MAPRE2: variants seen among roughly 807,000 people sequenced by gnomAD.
The protein encoded by MAPRE2 is microtubule associated protein RP/EB family member 2, also known as microtubule-associated protein RP/EB family member 2.
In MAPRE2, 13 loss-of-function variants were observed where a neutral mutation model predicts 43.2. The observed-to-expected ratio is 0.30, with a 90% CI of 0.20 to 0.48. The LOEUF (loss-of-function observed/expected upper bound fraction) is 0.48, where lower values mean the gene tolerates loss of function less well. Among genes scored for constraint, MAPRE2 ranks in the 20% least tolerant of loss-of-function variants. MAPRE2 has a pLI of 0.99. For missense variants in MAPRE2, 161 were observed against 400.2 expected (o/e 0.40, Z 5.10); for synonymous variants, 135 against 148.8 (o/e 0.91, Z 0.68).
intron 1 of MAPRE2, among the ~76,000 whole-genome samples, chr18:34,995,804 G>A (rs991396108): frequency 6.6e-6 from 1 of 151,838 alleles, no homozygotes; most frequent in Non-Finnish European, 1.5e-5. Context: ...TTTACCAAGC[G>A]CATGTTAATC....
chr18:35,040,693 G>A (rs1019689851), upstream of MAPRE2, among the ~76,000 whole-genome samples: 2 of 152,226 alleles, frequency 1.3e-5, no homozygotes, highest in African/African-American at 2.4e-5. Flanking sequence ...TCAGGAGGCA[G>A]CATAAAGAAT....
chr18:34,990,398 T>TA (rs1324079331), intron 1 of MAPRE2, among the ~76,000 whole-genome samples: 1 of 152,148 alleles, frequency 6.6e-6, no homozygotes, highest in Non-Finnish European at 1.5e-5. Context: ...ACAGAATGCT[T>TA]GTCTGACAGG....
intron 2 of MAPRE2, among the ~76,000 whole-genome samples, chr18:35,089,619 C>A (rs555987576): frequency 4.2e-4 from 64 of 152,132 alleles, no homozygotes; most frequent in Non-Finnish European, 9.0e-4. Context: ...ACTTCACATC[C>A]ATTAGGATGG....
intron 2 of MAPRE2, among the ~76,000 whole-genome samples, chr18:35,008,057 A>G (rs1352847216): frequency 6.6e-6 from 1 of 152,118 alleles, no homozygotes; most frequent in Non-Finnish European, 1.5e-5. Context: ...CATTTCCTTG[A>G]ATGAGTAATC....
intron 2 of MAPRE2, among the ~76,000 whole-genome samples, chr18:35,027,954 A>G (rs1377737910): frequency 6.6e-6 from 1 of 152,050 alleles, no homozygotes; most frequent in African/African-American, 2.4e-5. Context: ...GGGCCTCTCT[A>G]CATGGTTGGT....
intron 2 of MAPRE2, among the ~76,000 whole-genome samples, chr18:35,021,999 C>A (rs1236010209): frequency 1.3e-5 from 2 of 152,086 alleles, no homozygotes; most frequent in African/African-American, 4.8e-5. Context: ...TTATAGACAT[C>A]AATATGCAAT....
chr18:35,140,804 A>T lies in MAPRE2; in HGVS notation c.*435A>T, dbSNP rs1279620176. 1 of 160,362 alleles carries T rather than the reference A, an allele frequency of 6.2e-6. No homozygotes were observed. The highest frequency in any genetic ancestry group is 1.4e-5 in the Non-Finnish European group (1 of 73,126). The allele number at this position is 160,362 out of a possible 1,614,324, so 9.9% of individuals were successfully genotyped here. ...TGTCACACACATTTGTGGTGCTTTG[A>T]TGTTTGCAAGTCTAACCTCTGAACA... On this transcript the variant is annotated 3_prime_UTR_variant, in exon 7 of 7. Coordinates refer to ENST00000300249, the MANE Select transcript of MAPRE2 (RefSeq NM_014268.4).
At chr18:35,135,553 T>C (rs1474980863) in intron 6 of MAPRE2, among the ~76,000 whole-genome samples, 1 of 152,322 alleles carries the variant, frequency 6.6e-6, no homozygotes. Context: ...CCTAAAGCTG[T>C]ACCCTTGCCT....
intron 1 of MAPRE2, among the ~76,000 whole-genome samples, chr18:35,047,297 T>A (rs1568983385): frequency 6.6e-6 from 1 of 152,242 alleles, no homozygotes; most frequent in Non-Finnish European, 1.5e-5. Flanking sequence ...TCAGGCCATC[T>A]TTCAGCTAGC....
intron 4 of MAPRE2, among the ~76,000 whole-genome samples, chr18:35,108,939 T>TGTA (rs1325773478): frequency 6.6e-6 from 1 of 152,188 alleles, no homozygotes; most frequent in Non-Finnish European, 1.5e-5. Context: ...TTCACTCTGA[T>TGTA]GATAGTTTCT....
intron 2 of MAPRE2, among the ~76,000 whole-genome samples, chr18:35,076,859 G>A (rs979579346): frequency 6.6e-6 from 1 of 152,192 alleles, no homozygotes; most frequent in Admixed American, 6.5e-5. Flanking sequence ...AAACCTCAGT[G>A]ATAACTGCTT....
intron 1 of MAPRE2, among the ~76,000 whole-genome samples, chr18:35,063,270 A>AT (rs542523611): frequency 8.5e-4 from 127 of 149,242 alleles, no homozygotes; most frequent in African/African-American, 1.2e-3. Flanking sequence ...CGCCTGGCTA[A>AT]TTTTTTTTTT....
At chr18:35,002,786 T>G (rs1170969297) in intron 1 of MAPRE2, among the ~76,000 whole-genome samples, 3 of 152,236 alleles carry the variant, frequency 2.0e-5, no homozygotes, top group Non-Finnish European at 4.4e-5. Flanking sequence ...ATTTTGAGAA[T>G]TCTTTATTTT....
chr18:34,988,034 G>T (rs2097021903), intron 1 of MAPRE2, among the ~76,000 whole-genome samples: 3 of 152,218 alleles, frequency 2.0e-5, no homozygotes, highest in Non-Finnish European at 4.4e-5. Context: ...AAATTAGGTG[G>T]ATCATAATTC....
upstream of MAPRE2, among the ~76,000 whole-genome samples, chr18:35,040,606 T>A (rs990172220): frequency 6.6e-6 from 1 of 152,232 alleles, no homozygotes; most frequent in Non-Finnish European, 1.5e-5. Flanking sequence ...GTTAAGCACT[T>A]TCAAATACTA....
chr18:35,081,392 T>G (rs1421160628), intron 2 of MAPRE2, among the ~76,000 whole-genome samples: 1 of 152,160 alleles, frequency 6.6e-6, no homozygotes, highest in African/African-American at 2.4e-5. Context: ...TAAAGAACAA[T>G]ATTCTGTTAG....
chr18:35,064,089 C>T (rs1284433150), intron 1 of MAPRE2, among the ~76,000 whole-genome samples: 1 of 138,900 alleles, frequency 7.2e-6, no homozygotes, highest in East Asian at 2.2e-4. Flanking sequence ...GATGCTGATA[C>T]AGTAGGATTG....
intron 1 of MAPRE2, among the ~76,000 whole-genome samples, chr18:34,998,772 ATTTTTTTTTTT>A (rs67933808): frequency 7.3e-4 from 68 of 93,726 alleles, no homozygotes; most frequent in South Asian, 7.6e-4. Flanking sequence ...CGAAGTTGCA[ATTTTTTTTTTT>A]TTTTTTTTTT....
In MAPRE2 at chr18:35,140,488, C is replaced by T; in HGVS notation, c.*119C>T. On this transcript the variant is annotated 3_prime_UTR_variant, in exon 7 of 7. Coordinates refer to ENST00000300249, the MANE Select transcript of MAPRE2 (RefSeq NM_014268.4). ...GTTGTTCCCAATCTGCCGTTACCAT[C>T]AACGCACTGTTGCATATGCCAGCCA... 1.0e-6 allele frequency: 1 copy of T among 985,946 alleles called. No individual in the cohort carries two copies. The highest frequency in any genetic ancestry group is 1.5e-6 in the Non-Finnish European group (1 of 660,822). 61.1% of individuals were successfully genotyped at this position (985,946 alleles called of 1,614,324 possible). A position where few individuals can be genotyped will look rare whatever the true frequency, so the allele number is the denominator to read the frequency against.
Sources: allele counts gnomAD v4.1 joint callset (sites outside exome capture counted in the v4.1 genomes callset), GRCh38; gene constraint gnomAD v4.1.1; transcripts MANE v1.5; gene names NCBI Gene and HGNC (gene_info 2026-07-23, HGNC 2026-07-21).